The following PTPDC1 variants were observed in gnomAD, a reference collection of about 807,000 sequenced individuals.
PTPDC1 encodes protein tyrosine phosphatase domain-containing protein 1.
A neutral mutation model predicts 75.3 loss-of-function variants in PTPDC1; 53 were observed. That is an observed-to-expected ratio of 0.70 (90% CI 0.56 to 0.88). The LOEUF (loss-of-function observed/expected upper bound fraction) is 0.88. Among genes scored for constraint, PTPDC1 ranks in the 40% least tolerant of loss-of-function variants. The probability of loss-of-function intolerance (pLI) is 0.00; values close to 1 mark genes in which losing one functional copy is unlikely to be tolerated. For synonymous variants in PTPDC1, 349 were observed against 366.2 expected (o/e 0.95, Z 0.54); for missense variants, 925 against 998.6 (o/e 0.93, Z 0.99).
rs142214732 is a variant in PTPDC1 at position 94,057,981 on chromosome 9, G to C, written c.-6-6753G>C. On this transcript the variant is annotated intron_variant, in intron 1 of 9. Transcript: ENST00000375360. ...CAACATATATAATAAAATATCTTTT[G>C]GATTTTGGAAAGAAAGCAGCTGAGG... Among the ~76,000 whole-genome samples the C allele has an allele frequency of 8.5e-4, 129 of 152,268 alleles. 3 individuals are homozygous for C. In the East Asian group the frequency reaches 0.022, roughly 26 times the overall value.
At chr9:94,070,539 A>G (rs905195411) in intron 2 of PTPDC1, among the ~76,000 whole-genome samples, 5 of 152,218 alleles carry the variant, frequency 3.3e-5, no homozygotes, top group African/African-American at 7.2e-5. Context: ...GTTTCCACCA[A>G]TAGTAGCAGC....
At chr9:94,095,106 A>C (rs1217136555) in intron 4 of PTPDC1, among the ~76,000 whole-genome samples, 2 of 152,188 alleles carry the variant, frequency 1.3e-5, no homozygotes, top group Non-Finnish European at 2.9e-5. Flanking sequence ...TCCTCCCCTC[A>C]GGAAATGTCT....
intron 2 of PTPDC1, among the ~76,000 whole-genome samples, chr9:94,077,696 G>T (rs1015430115): frequency 3.3e-5 from 5 of 152,084 alleles, no homozygotes; most frequent in Admixed American, 6.6e-5. Context: ...TTTTATTAAG[G>T]CTTCATCACA....
At position 94,098,049 on chromosome 9, in the gene PTPDC1, C is replaced by G. The variant is rs769186628; in HGVS notation, c.1483C>G (p.Pro495Ala). The change falls in exon 6 of 9, where the codon CCA becomes GCA. Residue 495 changes from proline to alanine, a missense_variant. Transcript: ENST00000620992. ...TTGTTACATCCCACAGTCTCCAGAA[C>G]CAGACTTACACAAGGAAGCCTTGGT... is the stretch of plus-strand genomic sequence containing the variant. ...SHCYIPQSPE[P>A]DLHKEALVRS... 1.2e-6 allele frequency: 2 copies of G among 1,614,090 alleles called. No individual in the cohort carries two copies. The highest frequency in any genetic ancestry group is 2.7e-5 in the African/African-American group (2 of 74,922).
chr9:94,072,235 A>C (rs898046313), intron 2 of PTPDC1, among the ~76,000 whole-genome samples: 1 of 152,114 alleles, frequency 6.6e-6, no homozygotes, highest in African/African-American at 2.4e-5. Flanking sequence ...CAAACTCCTG[A>C]CTTCAGGTGA....
chr9:94,079,629 A>G (rs935219285), upstream of PTPDC1, among the ~76,000 whole-genome samples: 1 of 152,214 alleles, frequency 6.6e-6, no homozygotes, highest in African/African-American at 2.4e-5. Context: ...TGCTTAACCA[A>G]AACCTCCATT....
intron 1 of PTPDC1, among the ~76,000 whole-genome samples, chr9:94,063,368 A>G (rs759375272): frequency 2.0e-5 from 3 of 152,202 alleles, no homozygotes; most frequent in Non-Finnish European, 2.9e-5. Context: ...CTTTCAAATT[A>G]AGTTTTTGCT....
At chr9:94,062,896 T>A (rs1308204704) in intron 1 of PTPDC1, among the ~76,000 whole-genome samples, 2 of 152,236 alleles carry the variant, frequency 1.3e-5, no homozygotes, top group African/African-American at 4.8e-5. Context: ...CAGTCTAATA[T>A]GGTCCATTTC....
intron 1 of PTPDC1, among the ~76,000 whole-genome samples, chr9:94,039,618 T>C (rs1415867833): frequency 6.6e-6 from 1 of 152,088 alleles, no homozygotes; most frequent in Non-Finnish European, 1.5e-5. Context: ...ACCTTGTCTC[T>C]ACAAAAAATT....
intron 2 of PTPDC1, among the ~76,000 whole-genome samples, chr9:94,079,326 C>T (rs745825131): frequency 1.3e-5 from 2 of 152,310 alleles, no homozygotes; most frequent in Middle Eastern, 3.4e-3. Context: ...CCCTCTTCCA[C>T]GAATGTCTCT....
intron 1 of PTPDC1, among the ~76,000 whole-genome samples, chr9:94,050,043 G>C (rs57474922): frequency 6.6e-6 from 1 of 152,054 alleles, no homozygotes; most frequent in Non-Finnish European, 1.5e-5. Flanking sequence ...TGTAGTTCTC[G>C]TGGCTTGGTT....
rs201114447 is a variant in PTPDC1, at chr9:94,084,646, G to A, written c.116G>A (p.Arg39Gln). ...GTACTGCGGCTGCAGCAGGCCCGGC[G>A]GGGCTCTGGCTTGGGCTCCGGCTCT... The part of the protein sequence containing the change: ...DPVLRLQQAR[R>Q]GSGLGSGSAT... Residue 39 changes from arginine to glutamine, a missense_variant, in exon 1 of 9, where the codon CGG (arginine) becomes CAG (glutamine). By Grantham distance (43) the Arg-to-Gln change is conservative (BLOSUM62 1). Coordinates refer to ENST00000620992, the MANE Select transcript of PTPDC1 (RefSeq NM_001253829.2). 3.4e-5 allele frequency: 55 copies of A among 1,613,404 alleles called. 1 individual carries two copies. The South Asian group carries it at 3.6e-4, about 11-fold the overall frequency.
chr9:94,063,358 CT>C (rs2117863099), intron 1 of PTPDC1, among the ~76,000 whole-genome samples: 1 of 152,274 alleles, frequency 6.6e-6, no homozygotes, highest in South Asian at 2.1e-4. Flanking sequence ...AATGGATATC[CT>C]TTCAAATTAA....
chr9:94,031,732 T>G lies in PTPDC1; in HGVS notation c.-7+605T>G, dbSNP rs141896459. ...TACGTTATACCTATGTCATTGAAAT[T>G]TTATGGGGTTAGCAGATTCGGAAAT... is the stretch of plus-strand genomic sequence containing the variant. On this transcript the variant is annotated intron_variant, in intron 1 of 9. Transcript: ENST00000375360. Among the ~76,000 whole-genome samples the G allele has an allele frequency of 3.1e-3, 466 of 152,128 alleles. 2 individuals are homozygous for G. The highest frequency in any genetic ancestry group is 0.011 in the African/African-American group (440 of 41,484).
intron 2 of PTPDC1, among the ~76,000 whole-genome samples, chr9:94,073,554 A>T (rs1306663090): frequency 6.6e-6 from 1 of 152,166 alleles, no homozygotes; most frequent in Non-Finnish European, 1.5e-5. Context: ...AGCTTCTTAT[A>T]TCACTGATTT....
intron 1 of PTPDC1, chr9:94,038,176 C>A (rs372210457): frequency 2.9e-6 from 2 of 697,186 alleles, no homozygotes; most frequent in African/African-American, 1.8e-5. Flanking sequence ...GATTCTCTTA[C>A]ACAGACGCCA....
At chr9:94,035,541 A>C (rs1163257462) in intron 1 of PTPDC1, among the ~76,000 whole-genome samples, 1 of 152,188 alleles carries the variant, frequency 6.6e-6, no homozygotes, top group African/African-American at 2.4e-5. Context: ...ATAGTAGTCC[A>C]TTGTGTATAT....
intron 5 of PTPDC1, among the ~76,000 whole-genome samples, chr9:94,096,918 G>C (rs1171541655): frequency 6.6e-6 from 1 of 152,194 alleles, no homozygotes; most frequent in Non-Finnish European, 1.5e-5. Flanking sequence ...AAATTCTCAA[G>C]AACTGTTCAG....
intron 1 of PTPDC1, among the ~76,000 whole-genome samples, chr9:94,059,673 A>G (rs1384459107): frequency 6.6e-6 from 1 of 152,170 alleles, no homozygotes; most frequent in African/African-American, 2.4e-5. Flanking sequence ...TATTACCCCC[A>G]GCCCCAGAAT....
Sources: allele counts gnomAD v4.1 joint callset (sites outside exome capture counted in the v4.1 genomes callset), GRCh38; gene constraint gnomAD v4.1.1; transcripts MANE v1.5; gene names NCBI Gene and HGNC (gene_info 2026-07-23, HGNC 2026-07-21).